PAG1: variants seen among roughly 807,000 people sequenced by gnomAD.
The protein encoded by PAG1 is phosphoprotein associated with glycosphingolipid-enriched microdomains 1.
PAG1 carries 23 observed loss-of-function variants against 31.7 expected under a neutral mutation model. The observed-to-expected ratio is 0.73, with a 90% confidence interval of 0.52 to 1.03. PAG1 has a LOEUF of 1.03. Ranked by LOEUF, PAG1 falls within the 50% of genes least tolerant of loss-of-function variation. PAG1 has a pLI of 0.00. For synonymous variants in PAG1, 214 were observed against 210.3 expected (o/e 1.02, Z -0.15); for missense variants, 473 against 540.7 (o/e 0.87, Z 1.24).
At chr8:81,017,560 G>A (rs34793224) in intron 3 of PAG1, among the ~76,000 whole-genome samples, 1 of 152,152 alleles carries the variant, frequency 6.6e-6, no homozygotes, top group Admixed American at 6.5e-5. Context: ...TGGAGACTTA[G>A]GGCAAGCAAC....
At chr8:81,038,323 C>A (rs1333579576) in intron 2 of PAG1, among the ~76,000 whole-genome samples, 1 of 152,106 alleles carries the variant, frequency 6.6e-6, no homozygotes, top group Non-Finnish European at 1.5e-5. Flanking sequence ...TGAAAAGTCC[C>A]AGCCACGGGG....
chr8:81,095,781 T>A (rs1301469063), intron 1 of PAG1, among the ~76,000 whole-genome samples: 2 of 152,158 alleles, frequency 1.3e-5, no homozygotes, highest in Non-Finnish European at 2.9e-5. Context: ...ATTATTGGCC[T>A]GCACCACTGC....
intron 3 of PAG1, among the ~76,000 whole-genome samples, chr8:80,995,804 T>G (rs1304053362): frequency 6.6e-6 from 1 of 152,204 alleles, no homozygotes; most frequent in African/African-American, 2.4e-5. Flanking sequence ...ATGTTTCTCT[T>G]CTCTCTCTCC....
chr8:81,010,985 T>C (rs1287679226), intron 3 of PAG1, among the ~76,000 whole-genome samples: 6 of 152,232 alleles, frequency 3.9e-5, no homozygotes, highest in Admixed American at 3.9e-4. Flanking sequence ...AAAGATCGTG[T>C]TCTCAGAAAA....
At chr8:81,051,946 C>G (rs369861552) in intron 2 of PAG1, among the ~76,000 whole-genome samples, 1 of 151,678 alleles carries the variant, frequency 6.6e-6, no homozygotes, top group Non-Finnish European at 1.5e-5. Context: ...CTGGCTAACA[C>G]GGTGAAACCC....
At chr8:81,026,904 CA>C (rs545153507) in intron 3 of PAG1, among the ~76,000 whole-genome samples, 16 of 151,926 alleles carry the variant, frequency 1.1e-4, no homozygotes, top group Admixed American at 5.9e-4. Flanking sequence ...AAAAACAGAC[CA>C]AAAAAATGTA....
chr8:80,979,637 C>T (rs1807257464), intron 8 of PAG1, among the ~76,000 whole-genome samples: 1 of 152,122 alleles, frequency 6.6e-6, no homozygotes, highest in African/African-American at 2.4e-5. Context: ...ATGCTTTACT[C>T]AGAGTCCTAT....
At chr8:81,054,083 T>G (rs1467217916) in intron 2 of PAG1, among the ~76,000 whole-genome samples, 5 of 152,072 alleles carry the variant, frequency 3.3e-5, no homozygotes, top group Non-Finnish European at 7.4e-5. Flanking sequence ...AGGTCATAGT[T>G]TGCCAACCCT....
intron 3 of PAG1, among the ~76,000 whole-genome samples, chr8:81,021,327 AT>A (rs1808164089): frequency 6.6e-6 from 1 of 152,014 alleles, no homozygotes; most frequent in South Asian, 2.1e-4. Context: ...CTAGTCTATT[AT>A]TAACAACTTA....
In PAG1 at chr8:80,970,614, C is replaced by T. The variant is rs972666663; in HGVS notation, c.*5930G>A. On this transcript the variant is annotated 3_prime_UTR_variant, in exon 9 of 9. Transcript: ENST00000220597. ...CTAAGCTTACTTGGTTAGAGCACGG[C>T]ACTAACATTTCTGCCTCTGTGAGTT... 1 of 152,684 alleles carries T rather than the reference C, an allele frequency of 6.5e-6. No homozygotes were observed. The highest frequency in any genetic ancestry group is 1.5e-5 in the Non-Finnish European group (1 of 68,070). 9.5% of individuals were successfully genotyped at this position (152,684 alleles called of 1,614,324 possible). A position where few individuals can be genotyped will look rare whatever the true frequency, so the allele number is the denominator to read the frequency against.
intron 2 of PAG1, among the ~76,000 whole-genome samples, chr8:81,051,225 CCCT>C (rs1808723098): frequency 6.6e-6 from 1 of 152,114 alleles, no homozygotes; most frequent in Admixed American, 6.5e-5. Flanking sequence ...GGATTAGTGT[CCCT>C]GTTAGATGTG....
chr8:81,025,219 C>T (rs1033318759), intron 3 of PAG1, among the ~76,000 whole-genome samples: 1 of 151,986 alleles, frequency 6.6e-6, no homozygotes, highest in Non-Finnish European at 1.5e-5. Flanking sequence ...TTTTCACCCA[C>T]CTGAGAAAAT....
At position 80,991,344 on chromosome 8, in the gene PAG1, GC is replaced by G. The variant is rs1807542501; in HGVS notation, c.177+134del. 21 of 704,454 alleles carry G rather than the reference GC, an allele frequency of 3.0e-5. No individual in the cohort carries two copies. In the South Asian group the frequency reaches 3.1e-4, roughly 10 times the overall value. 43.6% of individuals were successfully genotyped at this position (704,454 alleles called of 1,614,324 possible). ...CAGCACTACTGCATCCATTTCAGAA[GC>G]CACCGTTTAACTTAGGCTTAGCTCT... On this transcript the variant is annotated intron_variant, in intron 5 of 8. Transcript: ENST00000220597.
rs867959034 is a variant in PAG1, at chr8:81,027,925, A to G, written c.-81+2071T>C. Among the ~76,000 whole-genome samples the G allele has an allele frequency of 3.3e-3, 503 of 151,606 alleles. 2 individuals carry two copies. Among genetic ancestry groups the G allele is most frequent in the African/African-American group, 0.011 (456 of 41,250 alleles). On this transcript the variant is annotated intron_variant, in intron 3 of 8. Transcript: ENST00000220597. ...GTCTCAAAAAAAAAAAAAAAAAAAA[A>G]AAGAATATAGGCCAAGATTGGGCAG... is the stretch of plus-strand genomic sequence containing the variant.
intron 1 of PAG1, among the ~76,000 whole-genome samples, chr8:81,081,499 C>A (rs1389351305): frequency 3.9e-5 from 6 of 152,088 alleles, no homozygotes; most frequent in Non-Finnish European, 8.8e-5. Flanking sequence ...GGTAAACACA[C>A]TGATAGAAGG....
intron 1 of PAG1, among the ~76,000 whole-genome samples, chr8:81,092,096 T>A (rs1809455672): frequency 7.0e-6 from 1 of 142,058 alleles, no homozygotes; most frequent in Admixed American, 7.5e-5. Flanking sequence ...CTCACACCTG[T>A]AACCCCAACA....
intron 1 of PAG1, among the ~76,000 whole-genome samples, chr8:81,093,112 G>C (rs897396260): frequency 9.9e-5 from 15 of 152,250 alleles, no homozygotes; most frequent in Admixed American, 4.6e-4. Context: ...CAGAGCAAAT[G>C]GTATGCTGAC....
At position 80,985,322 on chromosome 8, in the gene PAG1, T is replaced by C. The variant is rs750328987; in HGVS notation, c.330A>G (p.Thr110=). 6.2e-7 allele frequency: 1 copy of C among 1,614,166 alleles called. No homozygotes were observed. The highest frequency in any genetic ancestry group is 8.5e-7 in the Non-Finnish European group (1 of 1,179,986). ...GGGAATCCAGCAGATCCGAGGCCGATGTCTGGACTTCCTCGTAATGCTGCA... is the reference window on the plus strand; with the variant it reads ...GGGAATCCAGCAGATCCGAGGCCGACGTCTGGACTTCCTCGTAATGCTGCA... ...TCMQHYEEVQ[T]SASDLLDSQD... is the part of the protein sequence containing the mutation. Residue 110 remains threonine (T), a synonymous_variant, in exon 7 of 9, where the codon ACA becomes ACG. Transcript: ENST00000220597.
At chr8:81,067,005 A>G (rs929648529) in intron 2 of PAG1, among the ~76,000 whole-genome samples, 3 of 151,992 alleles carry the variant, frequency 2.0e-5, no homozygotes, top group African/African-American at 7.2e-5. Flanking sequence ...TACAAAAAAT[A>G]AAAAAAAGTA....
Sources: allele counts gnomAD v4.1 joint callset (sites outside exome capture counted in the v4.1 genomes callset), GRCh38; gene constraint gnomAD v4.1.1; transcripts MANE v1.5; gene names NCBI Gene and HGNC (gene_info 2026-07-23, HGNC 2026-07-21).